NOL10: variants seen among roughly 807,000 people sequenced by gnomAD.
The protein encoded by NOL10 is nucleolar protein 10.
Under a neutral mutation model 103.5 loss-of-function variants are expected in NOL10, and 58 were observed. That is an observed-to-expected ratio of 0.56 (90% CI 0.45 to 0.70). The LOEUF is 0.70. Among genes scored for constraint, NOL10 ranks in the 30% least tolerant of loss-of-function variants. The probability of loss-of-function intolerance (pLI) is 0.00; values close to 1 mark genes in which losing one functional copy is unlikely to be tolerated. For synonymous variants in NOL10, 287 were observed against 282.5 expected, an observed-to-expected ratio of 1.02 and a Z score of -0.16; for missense variants, 763 against 807.3, an observed-to-expected ratio of 0.95 and a Z score of 0.67.
At chr2:10,660,097 A>G (rs562475861) in intron 9 of NOL10, among the ~76,000 whole-genome samples, 1 of 152,300 alleles carries the variant, frequency 6.6e-6, no homozygotes, top group East Asian at 1.9e-4. Context: ...CCTATCGTCC[A>G]CATGCCCTTG....
chr2:10,641,822 T>C (rs1678714778), intron 13 of NOL10, among the ~76,000 whole-genome samples: 1 of 152,106 alleles, frequency 6.6e-6, no homozygotes, highest in Non-Finnish European at 1.5e-5. Flanking sequence ...GCAACCATCT[T>C]CAGGACTGCC....
At chr2:10,664,061 C>T (rs1340868599) in intron 8 of NOL10, among the ~76,000 whole-genome samples, 1 of 151,364 alleles carries the variant, frequency 6.6e-6, no homozygotes, top group Non-Finnish European at 1.5e-5. Flanking sequence ...GCAGAGGCTA[C>T]AGCGAGCTGA....
chr2:10,617,334 C>T (rs1357415103), intron 13 of NOL10, among the ~76,000 whole-genome samples: 1 of 152,184 alleles, frequency 6.6e-6, no homozygotes, highest in Admixed American at 6.5e-5. Flanking sequence ...GAGGATCACT[C>T]TGGCAGAGGC....
intron 9 of NOL10, among the ~76,000 whole-genome samples, chr2:10,661,759 C>T (rs1477472067): frequency 6.6e-6 from 1 of 152,042 alleles, no homozygotes; most frequent in Non-Finnish European, 1.5e-5. Context: ...CAGCCTGCTT[C>T]CCCTATCCAA....
At chr2:10,601,179 T>G (rs1174284027) in intron 16 of NOL10, among the ~76,000 whole-genome samples, 1 of 151,866 alleles carries the variant, frequency 6.6e-6, no homozygotes, top group Non-Finnish European at 1.5e-5. Flanking sequence ...TTCTCCTGTC[T>G]CAGCCTCCCG....
intron 8 of NOL10, among the ~76,000 whole-genome samples, chr2:10,663,418 A>G (rs1029942732): frequency 6.6e-6 from 1 of 151,930 alleles, no homozygotes; most frequent in Admixed American, 6.6e-5. Context: ...ACAAAAATAA[A>G]CCACATTAAC....
intron 13 of NOL10, among the ~76,000 whole-genome samples, chr2:10,614,970 C>A (rs2148207858): frequency 1.3e-5 from 2 of 152,280 alleles, no homozygotes; most frequent in East Asian, 3.9e-4. Context: ...GTTGGAAAGG[C>A]CTCACTAGGA....
At position 10,673,566 on chromosome 2, in the gene NOL10, C is replaced by A; in HGVS notation, c.290-9G>T. The A allele has an allele frequency of 6.4e-7, 1 of 1,562,860 alleles. No individual in the cohort carries two copies. Among genetic ancestry groups the A allele is most frequent in the Non-Finnish European group, 8.7e-7 (1 of 1,143,194 alleles). On this transcript the variant is annotated splice_polypyrimidine_tract_variant and intron_variant, in intron 4 of 20. Coordinates refer to ENST00000381685, the MANE Select transcript of NOL10 (RefSeq NM_024894.4). ...AATTTCAAAGGTGACAACTGAAAAA[C>A]AAGAAATAGGAAAAATACAATTATC... is the stretch of plus-strand genomic sequence containing the variant.
At chr2:10,688,897 G>C (rs1384974844) in intron 1 of NOL10, among the ~76,000 whole-genome samples, 2 of 152,206 alleles carry the variant, frequency 1.3e-5, no homozygotes, top group African/African-American at 2.4e-5. Flanking sequence ...CTAAGCACTG[G>C]CTCCAAATTT....
At chr2:10,626,011 G>GA (rs35889726) in intron 13 of NOL10, among the ~76,000 whole-genome samples, 32,014 of 149,840 alleles carry the variant, frequency 0.21, 4,463 homozygotes, top group East Asian at 0.44. Context: ...CTGTCTCTAT[G>GA]AAAAAAAAAA....
At chr2:10,602,953 T>A (rs1036664037) in intron 15 of NOL10, 79 bp from the exon 16 acceptor site, 7 of 1,257,798 alleles carry the variant, frequency 5.6e-6, no homozygotes, top group Non-Finnish European at 6.8e-6. Context: ...ACGACAGTTA[T>A]GCCAAAGAAC....
chr2:10,581,926 G>A (rs1361770825), intron 19 of NOL10, among the ~76,000 whole-genome samples: 1 of 152,172 alleles, frequency 6.6e-6, no homozygotes, highest in African/African-American at 2.4e-5. Context: ...TTTTAAAAGA[G>A]AGAAGTGTGG....
intron 13 of NOL10, chr2:10,634,509 A>C: frequency 2.2e-6 from 1 of 456,688 alleles, no homozygotes; most frequent in South Asian, 1.5e-5. Flanking sequence ...ATCCAAGTGG[A>C]GAAGCCGAGT....
chr2:10,580,576 T>C (rs1265380138), intron 19 of NOL10, among the ~76,000 whole-genome samples: 1 of 152,150 alleles, frequency 6.6e-6, no homozygotes, highest in Non-Finnish European at 1.5e-5. Context: ...AATTACTCAG[T>C]GTAGAATGCA....
In NOL10 at chr2:10,589,143, CCTT is replaced by C. The variant is rs748751301; in HGVS notation, c.1741_1743del (p.Lys581del). The C allele has an allele frequency of 9.9e-6, 16 of 1,613,938 alleles. No individual in the cohort carries two copies. The highest frequency in any genetic ancestry group is 1.4e-5 in the Non-Finnish European group (16 of 1,179,910). On this transcript the variant is annotated inframe_deletion, in exon 19 of 21. Transcript: ENST00000381685. The stretch of plus-strand genomic sequence containing the variant: ...GGCTTTAGGACTGTCTGCTGGTCCT[CCTT>C]GAGTCGTTCCTGCCGCTTCACTTTT...
intron 12 of NOL10, among the ~76,000 whole-genome samples, chr2:10,647,141 A>G (rs1240703024): frequency 6.6e-6 from 1 of 152,260 alleles, no homozygotes; most frequent in Non-Finnish European, 1.5e-5. Flanking sequence ...CAGCACCTGG[A>G]GTCAAAAGAA....
At position 10,675,791 on chromosome 2, in the gene NOL10, C is replaced by A; in HGVS notation, c.289+3G>T. ...ATGAATTCAAATTTAGCTTTTTACTCACCTTCTGAATCTAAACACCTTTCA... is the reference window on the plus strand; with the variant it reads ...ATGAATTCAAATTTAGCTTTTTACTAACCTTCTGAATCTAAACACCTTTCA... On this transcript the variant is annotated splice_donor_region_variant and intron_variant, in intron 4 of 20. Transcript: ENST00000381685. 1 of 1,522,464 alleles carries A rather than the reference C, an allele frequency of 6.6e-7. No individual in the cohort carries two copies. Among genetic ancestry groups the A allele is most frequent in the South Asian group, 1.3e-5 (1 of 79,990 alleles). 94.3% of individuals were successfully genotyped at this position (1,522,464 alleles called of 1,614,324 possible).
intron 1 of NOL10, among the ~76,000 whole-genome samples, chr2:10,685,310 T>G (rs1003282433): frequency 6.6e-6 from 1 of 151,728 alleles, no homozygotes; most frequent in Non-Finnish European, 1.5e-5. Context: ...CTGGCCAACA[T>G]GGTGAAACCC....
At chr2:10,635,848 TAA>T (rs1375815577) in intron 13 of NOL10, among the ~76,000 whole-genome samples, 5 of 152,182 alleles carry the variant, frequency 3.3e-5, no homozygotes, top group African/African-American at 7.2e-5. Flanking sequence ...ATAAAAATAT[TAA>T]GAGACAAAAT....
Sources: gnomAD v4.1 joint callset for allele counts (sites outside exome capture counted in the v4.1 genomes callset) on GRCh38, gnomAD v4.1.1 for gene constraint, MANE v1.5 for transcripts, NCBI Gene and HGNC (gene_info 2026-07-23, HGNC 2026-07-21) for gene names.